The following LDLRAD4 variants were observed in gnomAD, a reference collection of about 807,000 sequenced individuals.
LDLRAD4 encodes the protein low-density lipoprotein receptor class A domain-containing protein 4.
A neutral mutation model predicts 17.0 loss-of-function variants in LDLRAD4; 5 were observed. The observed-to-expected ratio is 0.29, with a 90% CI of 0.15 to 0.62. The LOEUF is 0.62. LDLRAD4 is among the 20% of genes least tolerant of loss of function. LDLRAD4 has a pLI of 0.84. For synonymous variants in LDLRAD4, 168 were observed against 171.8 expected (o/e 0.98, Z 0.17); for missense variants, 340 against 424.7 (o/e 0.80, Z 1.75).
At chr18:13,329,452 C>T (rs1417860827) in intron 1 of LDLRAD4, among the ~76,000 whole-genome samples, 1 of 152,140 alleles carries the variant, frequency 6.6e-6, no homozygotes, top group African/African-American at 2.4e-5. Context: ...ATTTCATTTT[C>T]TTTTACTGTC....
chr18:13,387,181 G>A (rs554125439), intron 1 of LDLRAD4, among the ~76,000 whole-genome samples, 160 bp from the exon 3 acceptor site: 14 of 152,176 alleles, frequency 9.2e-5, no homozygotes, highest in Non-Finnish European at 1.9e-4. Flanking sequence ...GGCCTTGGGG[G>A]CAGGTGGATC....
At chr18:13,630,599 C>T (rs552408514) in intron 4 of LDLRAD4, among the ~76,000 whole-genome samples, 8 of 152,162 alleles carry the variant, frequency 5.3e-5, no homozygotes, top group Non-Finnish European at 1.2e-4. Context: ...AATCAGAATA[C>T]CCAGCAGTAG....
chr18:13,631,773 G>A (rs967133804), intron 4 of LDLRAD4, among the ~76,000 whole-genome samples: 9 of 151,820 alleles, frequency 5.9e-5, no homozygotes, highest in Non-Finnish European at 1.3e-4. Flanking sequence ...CTAAAAATAC[G>A]AAAATTAACC....
In LDLRAD4 at chr18:13,225,060, T is replaced by C. The variant is rs1047053772; in HGVS notation, c.-467+6072T>C. ...CATGTTGGCCAGGCTGGTTTCTCAC[T>C]CCTCACCTCAAGTGATCCGCCCGCC... On this transcript the variant is annotated intron_variant, in intron 1 of 5. Coordinates refer to the LDLRAD4 transcript ENST00000399848. Among the ~76,000 whole-genome samples the C allele has an allele frequency of 3.9e-5, 6 of 152,108 alleles. No homozygotes were observed. In the South Asian group the frequency reaches 1.0e-3, roughly 26 times the overall value.
At chr18:13,462,683 C>A (rs952444929) in intron 3 of LDLRAD4, among the ~76,000 whole-genome samples, 1 of 152,182 alleles carries the variant, frequency 6.6e-6, no homozygotes, top group African/African-American at 2.4e-5. Flanking sequence ...AGGCGTATAT[C>A]AATGCGGAAG....
chr18:13,379,388 C>T (rs948455159), intron 1 of LDLRAD4, among the ~76,000 whole-genome samples: 12 of 152,340 alleles, frequency 7.9e-5, no homozygotes, highest in African/African-American at 1.9e-4. Flanking sequence ...AGCTGAGGCT[C>T]AGCTAGAATT....
intron 3 of LDLRAD4, among the ~76,000 whole-genome samples, chr18:13,509,382 G>A (rs1332660475): frequency 1.3e-5 from 2 of 152,214 alleles, no homozygotes; most frequent in Non-Finnish European, 2.9e-5. Flanking sequence ...ATGACTCTGA[G>A]GGATTTAAGA....
At chr18:13,220,705 G>T (rs1258925255) in intron 1 of LDLRAD4, among the ~76,000 whole-genome samples, 1 of 152,246 alleles carries the variant, frequency 6.6e-6, no homozygotes, top group Non-Finnish European at 1.5e-5. Context: ...CTGTGCTGTA[G>T]TCTTGGTTGA....
At chr18:13,330,551 C>G (rs796517955) in intron 1 of LDLRAD4, among the ~76,000 whole-genome samples, 11 of 152,094 alleles carry the variant, frequency 7.2e-5, no homozygotes, top group African/African-American at 2.2e-4. Flanking sequence ...TTATTGCTAC[C>G]GTAAATAGGA....
chr18:13,416,288 C>T (rs190358907), intron 2 of LDLRAD4, among the ~76,000 whole-genome samples: 3 of 152,342 alleles, frequency 2.0e-5, no homozygotes, highest in Admixed American at 1.3e-4. Flanking sequence ...GTGGGGTACC[C>T]AGACCTCTTC....
intron 3 of LDLRAD4, among the ~76,000 whole-genome samples, chr18:13,473,637 A>T (rs990884287): frequency 1.4e-4 from 2 of 14,658 alleles, no homozygotes; most frequent in East Asian, 3.4e-3. Context: ...ATCCCATCTC[A>T]TATATATATA....
intron 1 of LDLRAD4, among the ~76,000 whole-genome samples, chr18:13,324,550 G>A (rs895522626): frequency 6.6e-6 from 1 of 152,144 alleles, no homozygotes; most frequent in Non-Finnish European, 1.5e-5. Flanking sequence ...AGGGAGAAGC[G>A]GCCTGTGGGT....
At chr18:13,447,922 G>A (rs2091529125) in intron 3 of LDLRAD4, among the ~76,000 whole-genome samples, 1 of 152,182 alleles carries the variant, frequency 6.6e-6, no homozygotes, top group Admixed American at 6.5e-5. Flanking sequence ...GAAAGTCAGG[G>A]CAAGCTCTCC....
chr18:13,484,886 G>T (rs535026350), intron 3 of LDLRAD4, among the ~76,000 whole-genome samples: 6 of 152,250 alleles, frequency 3.9e-5, no homozygotes, highest in Admixed American at 2.0e-4. Context: ...CTTGGATGCA[G>T]TCATATTATT....
chr18:13,530,909 G>C (rs566261350), intron 3 of LDLRAD4, among the ~76,000 whole-genome samples: 1 of 152,136 alleles, frequency 6.6e-6, no homozygotes, highest in Non-Finnish European at 1.5e-5. Flanking sequence ...GTGGTCCTGG[G>C]CAGCGAAACT....
intron 1 of LDLRAD4, chr18:13,234,867 C>G (rs542270849): frequency 1.3e-5 from 2 of 152,318 alleles, no homozygotes; most frequent in South Asian, 4.1e-4. Context: ...CTTCCATTCT[C>G]TCCTCCCAAA....
rs769405183 is a variant in LDLRAD4 at position 13,440,541 on chromosome 18, T to A, written c.181+2157T>A. 2.0e-5 allele frequency among the ~76,000 whole-genome samples: 3 copies of A among 152,182 alleles called. No individual in the cohort carries two copies. The highest frequency in any genetic ancestry group is 4.4e-5 in the Non-Finnish European group (3 of 68,034). On this transcript the variant is annotated intron_variant, in intron 3 of 5. Transcript: ENST00000359446. The surrounding 1 kb of genome is among the most constrained non-coding windows in gnomAD (Gnocchi z 4.4). ...GGATATTATTTACAATATACTCTCT[T>A]CTAAGAAGACTGGAGAGCCAGGAGA...
At chr18:13,641,762 G>T in intron 4 of LDLRAD4, 1 of 985,582 alleles carries the variant, frequency 1.0e-6, no homozygotes, top group Non-Finnish European at 1.2e-6. Context: ...CCGAGGGCCG[G>T]GCCTCGGGGG....
chr18:13,497,090 C>T (rs188429588), intron 3 of LDLRAD4, among the ~76,000 whole-genome samples: 150 of 152,366 alleles, frequency 9.8e-4, no homozygotes, highest in Non-Finnish European at 1.2e-3. Context: ...TGCTGCCTGA[C>T]TCATAATGAG....
Sources: allele counts gnomAD v4.1 joint callset (sites outside exome capture counted in the v4.1 genomes callset), GRCh38; gene constraint gnomAD v4.1.1; non-coding constraint Gnocchi (gnomAD v3.1); transcripts MANE v1.5; gene names NCBI Gene and HGNC (gene_info 2026-07-23, HGNC 2026-07-21).